The following KIF1A variants were observed in gnomAD, a reference collection of about 807,000 sequenced individuals.
KIF1A encodes the protein kinesin-like protein KIF1A.
Under a neutral mutation model 227.3 loss-of-function variants are expected in KIF1A, and 46 were observed. That is an observed-to-expected ratio of 0.20 (90% CI 0.16 to 0.26). The LOEUF (loss-of-function observed/expected upper bound fraction) is 0.26. KIF1A is among the 10% of genes least tolerant of loss of function. KIF1A has a pLI of 1.00. For missense variants in KIF1A, 1,683 were observed against 2,485.9 expected (o/e 0.68, Z 6.87); for synonymous variants, 1,022 against 1,012.8 (o/e 1.01, Z -0.17).
At chr2:240,730,061 G>A (rs1193528921) in intron 38 of KIF1A, among the ~76,000 whole-genome samples, 3 of 152,232 alleles carry the variant, frequency 2.0e-5, no homozygotes, top group African/African-American at 7.2e-5. Flanking sequence ...GCAGACCTTG[G>A]AATCTCGGGC....
rs555856342 is a variant in KIF1A at position 240,757,483 on chromosome 2, G to C, written c.2694C>G (p.Thr898=). The change falls in exon 27 of 49, where the codon ACC becomes ACG. Residue 898 remains threonine (T), a synonymous_variant. Coordinates refer to ENST00000498729, the MANE Select transcript of KIF1A (RefSeq NM_001244008.2). This position sits in a 1 kb window ranked among gnomAD's most constrained non-coding sequence, Gnocchi z 6.2. ...CCACGCTCTGCTCCTCGGCAGGCTCGGTGGCGTCGGAGTCGGGGCTCGAGA... is the reference window on the plus strand; with the variant it reads ...CCACGCTCTGCTCCTCGGCAGGCTCCGTGGCGTCGGAGTCGGGGCTCGAGA... ...PTFSSPDSDA[T]EPAEEQSVGE... is the part of the protein sequence containing the mutation. The C allele has an allele frequency of 7.7e-5, 119 of 1,550,514 alleles. No individual in the cohort carries two copies. The Admixed American group carries it at 2.3e-3, about 30-fold the overall frequency.
intron 1 of KIF1A, among the ~76,000 whole-genome samples, chr2:240,805,146 G>T (rs1447953292): frequency 1.0e-5 from 1 of 99,928 alleles, no homozygotes; most frequent in African/African-American, 3.8e-5. Context: ...AGAGGGGAGT[G>T]GGGAGGGAGG....
chr2:240,769,733 G>C (rs773825517), intron 15 of KIF1A, 27 bp from the exon 16 acceptor site: 1 of 1,589,624 alleles, frequency 6.3e-7, no homozygotes, highest in Admixed American at 1.7e-5. Context: ...AGCACAGTGA[G>C]CTGCCGGGGC....
rs746876824 is a variant in KIF1A, at chr2:240,765,776, G to A, written c.1702C>T (p.Pro568Ser). The change falls in exon 20 of 49, where the codon CCC (proline) becomes TCC (serine). Residue 568 changes from proline (P) to serine (S), a missense_variant. Physicochemically the swap from Pro to Ser is moderately conservative, Grantham distance 74 (BLOSUM62 -1). This residue lies in a region of KIF1A where 217 missense variants were observed against 427.0 expected (regional missense o/e 0.51). Transcript: ENST00000498729. ...ACGTAGGTGTCTGCCCCCTCACAGG[G>A]CTCCAAGGTCACCACAGCTACAGGA... ...GGSEAVVTLE[P>S]CEGADTYVNG... is the part of the protein sequence containing the mutation. 6.2e-7 allele frequency: 1 copy of A among 1,613,358 alleles called. No individual in the cohort carries two copies. Among genetic ancestry groups the A allele is most frequent in the Non-Finnish European group, 8.5e-7 (1 of 1,179,626 alleles).
intron 27 of KIF1A, among the ~76,000 whole-genome samples, chr2:240,753,670 A>G (rs1383834651): frequency 6.6e-6 from 1 of 152,006 alleles, no homozygotes; most frequent in Non-Finnish European, 1.5e-5. Context: ...GAGGCAGTGC[A>G]CCCCCATCTC....
intron 34 of KIF1A, among the ~76,000 whole-genome samples, chr2:240,741,940 C>T (rs2048021449): frequency 6.6e-6 from 1 of 152,232 alleles, no homozygotes; most frequent in Non-Finnish European, 1.5e-5. Context: ...ACTCCCTTCT[C>T]TGAGACCCAT....
chr2:240,723,269 C>T (rs2045623509), intron 42 of KIF1A, 144 bp downstream of exon 42: 2 of 720,714 alleles, frequency 2.8e-6, no homozygotes, highest in Admixed American at 5.9e-5. Context: ...GCATCACATG[C>T]TCCTCCTGCA....
At chr2:240,783,276 G>A (rs2054304876) in intron 8 of KIF1A, among the ~76,000 whole-genome samples, 167 bp from the exon 9 acceptor site, 1 of 152,148 alleles carries the variant, frequency 6.6e-6, no homozygotes, top group Admixed American at 6.5e-5. Flanking sequence ...AAAGCCAGCT[G>A]GAGCCTCTGG....
chr2:240,762,728 C>T lies in KIF1A; in HGVS notation c.2107G>A (p.Glu703Lys), dbSNP rs766192418. The change falls in exon 23 of 49, where the codon GAG (glutamate) becomes AAG (lysine). Residue 703 changes from glutamate to lysine, a missense_variant. Glu to Lys is a moderately conservative substitution (Grantham distance 56). Coordinates refer to ENST00000498729, the MANE Select transcript of KIF1A (RefSeq NM_001244008.2). ...PEVNEEEEEPEDEVQWTEREC... is the reference protein window; with the variant it reads ...PEVNEEEEEPKDEVQWTEREC... The stretch of plus-strand genomic sequence containing the variant: ...CCCAGTGACCCCTCACCTTCATCCT[C>T]GGGCTCCTCCTCCTCCTCGTTCACC... 6 of 1,590,978 alleles carry T rather than the reference C, an allele frequency of 3.8e-6. No individual in the cohort carries two copies. Among genetic ancestry groups the T allele is most frequent in the East Asian group, 4.5e-5 (2 of 44,176 alleles).
intron 2 of KIF1A, among the ~76,000 whole-genome samples, chr2:240,795,532 G>C (rs1451972261): frequency 6.6e-6 from 1 of 152,242 alleles, no homozygotes; most frequent in South Asian, 2.1e-4. Context: ...GCAGCTCTCT[G>C]GGTCTGGGCC....
chr2:240,746,325 C>T, intron 29 of KIF1A, 148 bp from the exon 30 acceptor site: 1 of 902,938 alleles, frequency 1.1e-6, no homozygotes, highest in Non-Finnish European at 1.7e-6. Flanking sequence ...CTGTGCCTGC[C>T]TTGTAGGGGG....
rs538465522 is a variant in KIF1A, at chr2:240,752,627, G to A, written c.2859-2080C>T. On this transcript the variant is annotated intron_variant, in intron 27 of 48. Transcript: ENST00000498729. The surrounding 1 kb of genome is among the most constrained non-coding windows in gnomAD (Gnocchi z 6.4). ...CCGTGGCTGGCGCACCACACTGGGG[G>A]AGACATAATGAGACCAGACGGGACA... 6.6e-6 allele frequency among the ~76,000 whole-genome samples: 1 copy of A among 152,280 alleles called. No homozygotes were observed. The highest frequency in any genetic ancestry group is 2.1e-4 in the South Asian group (1 of 4,826).
intron 40 of KIF1A, chr2:240,724,950 G>A (rs1298525230): frequency 1.8e-5 from 3 of 170,510 alleles, no homozygotes; most frequent in Non-Finnish European, 3.6e-5. Context: ...GGGGGGGGGG[G>A]GAACGGTGTG....
intron 10 of KIF1A, among the ~76,000 whole-genome samples, chr2:240,779,920 G>A (rs757646002): frequency 6.6e-5 from 10 of 151,896 alleles, no homozygotes; most frequent in Admixed American, 1.3e-4. Flanking sequence ...CACGCCCCAC[G>A]GTGCTTCCGT....
chr2:240,764,692 T>C (rs1194357156), intron 20 of KIF1A, among the ~76,000 whole-genome samples: 1 of 152,230 alleles, frequency 6.6e-6, no homozygotes, highest in East Asian at 1.9e-4. Context: ...CAGCACCCAG[T>C]GATTCAGCCA....
rs2044626109 is a variant in KIF1A, at chr2:240,716,697, T to C, written c.*667A>G. The stretch of plus-strand genomic sequence containing the variant: ...ACACCACCCTCCATGCCGCGCAGAC[T>C]TCAGGCACCAAAGACACCCCCCCAC... On this transcript the variant is annotated 3_prime_UTR_variant, in exon 49 of 49. Transcript: ENST00000498729. The C allele has an allele frequency of 6.6e-6, 1 of 152,374 alleles. No individual in the cohort carries two copies. Among genetic ancestry groups the C allele is most frequent in the South Asian group, 2.1e-4 (1 of 4,824 alleles). 9.4% of individuals were successfully genotyped at this position (152,374 alleles called of 1,614,324 possible).
rs1178051683 is a variant in KIF1A, at chr2:240,757,346, C to T, written c.2831G>A (p.Arg944Gln). ...TCCTACTAAACTGAACAGGGGGGGC[C>T]GGTCGTAAAACGGGTCCCGGCCGTC... ...LCDGRDPFYDRPPLFSLVGRA... is the reference protein window; with the variant it reads ...LCDGRDPFYDQPPLFSLVGRA... The change falls in exon 27 of 49, where the codon CGG (arginine) becomes CAG (glutamine). Residue 944 changes from arginine to glutamine, a missense_variant. Physicochemically the swap from Arg to Gln is conservative, Grantham distance 43. This residue lies in a region of KIF1A where 759 missense variants were observed against 1,020.2 expected (regional missense o/e 0.74). Coordinates refer to ENST00000498729, the MANE Select transcript of KIF1A (RefSeq NM_001244008.2). The surrounding 1 kb of genome is among the most constrained non-coding windows in gnomAD (Gnocchi z 6.2). The T allele has an allele frequency of 4.1e-5, 64 of 1,550,696 alleles. No homozygotes were observed. The highest frequency in any genetic ancestry group is 1.7e-4 in the Middle Eastern group (1 of 5,992).
rs374005737 is a variant in KIF1A, at chr2:240,779,550, CCACTCAGTTCCT to C, written c.882+3028_882+3039del. Among the ~76,000 whole-genome samples, 56 of 146,678 alleles carry C rather than the reference CCACTCAGTTCCT, an allele frequency of 3.8e-4. 1 individual carries two copies. The highest frequency in any genetic ancestry group is 1.2e-3 in the African/African-American group (46 of 39,056). On this transcript the variant is annotated intron_variant, in intron 10 of 48. Coordinates refer to ENST00000498729, the MANE Select transcript of KIF1A (RefSeq NM_001244008.2). ...GTTCCACACTCAGTTCCTCATAGTTCCACTCAGTTCCTCACTCAGTTCCTCAGTTCCTCACTC... is the reference window on the plus strand; with the variant it reads ...GTTCCACACTCAGTTCCTCATAGTTCCACTCAGTTCCTCAGTTCCTCACTC...
At position 240,722,676 on chromosome 2, in the gene KIF1A, C is replaced by T. The variant is rs199733812; in HGVS notation, c.4465-20G>A. On this transcript the variant is annotated intron_variant, in intron 42 of 48. Coordinates refer to ENST00000498729, the MANE Select transcript of KIF1A (RefSeq NM_001244008.2). ...CTCCACCTTCAGACAGGACACAAGG[C>T]CTTACCTGCTGCACCTCAGGGGTGA... 6.7e-7 allele frequency: 1 copy of T among 1,486,000 alleles called. No homozygotes were observed. Among genetic ancestry groups the T allele is most frequent in the African/African-American group, 1.4e-5 (1 of 71,142 alleles). The allele number at this position is 1,486,000 out of a possible 1,614,324, so 92.1% of individuals were successfully genotyped here.
Sources: allele counts gnomAD v4.1 joint callset (sites outside exome capture counted in the v4.1 genomes callset), GRCh38; gene constraint gnomAD v4.1.1; regional missense constraint gnomAD v4.1.1; non-coding constraint Gnocchi (gnomAD v3.1); transcripts MANE v1.5; gene names NCBI Gene and HGNC (gene_info 2026-07-23, HGNC 2026-07-21).